RGR: variants seen among roughly 807,000 people sequenced by gnomAD.
RGR encodes retinal G protein coupled receptor.
In RGR, 30 loss-of-function variants were observed where a neutral mutation model predicts 28.6. The ratio of observed to expected loss-of-function variants is 1.05; its 90% CI spans 0.78 to 1.42. RGR has a LOEUF of 1.42. RGR is among the 40% of genes most tolerant of loss of function. The pLI, the probability that RGR is intolerant of heterozygous loss-of-function variation, is 0.00. For synonymous variants in RGR, 180 were observed against 156.4 expected, an observed-to-expected ratio of 1.15 and a Z score of -1.13; for missense variants, 404 against 375.6, an observed-to-expected ratio of 1.08 and a Z score of -0.62.
At chr10:84,255,726 T>C (rs1230014233) in intron 5 of RGR, among the ~76,000 whole-genome samples, 1 of 148,320 alleles carries the variant, frequency 6.7e-6, no homozygotes, top group Non-Finnish European at 1.5e-5. Flanking sequence ...TTCTTTTTTT[T>C]TTTTTTTTTT....
At chr10:84,248,210 T>C (rs761480921) in intron 2 of RGR, 10 of 1,238,922 alleles carry the variant, frequency 8.1e-6, no homozygotes, top group Non-Finnish European at 9.4e-6. Context: ...TGCACCCGTA[T>C]GTATCTGGGC....
rs142610642 is a variant in RGR, at chr10:84,245,132, C to T, written c.42C>T (p.Leu14=). Residue 14 remains leucine, a synonymous_variant, in exon 1 of 7, where the codon CTC becomes CTT. Coordinates refer to ENST00000652092, the MANE Select transcript of RGR (RefSeq NM_001012720.2). The stretch of plus-strand genomic sequence containing the variant: ...CCCTGCCCACTGGCTTCGGGGAGCT[C>T]GAGGTGCTGGCTGTGGGGATGGTGC... The part of the protein sequence containing the change: ...TSALPTGFGE[L]EVLAVGMVLL... The T allele has an allele frequency of 1.9e-6, 3 of 1,613,116 alleles. No homozygotes were observed. The highest frequency in any genetic ancestry group is 1.1e-5 in the South Asian group (1 of 91,006).
intron 3 of RGR, among the ~76,000 whole-genome samples, chr10:84,252,608 G>T (rs573422408): frequency 1.3e-5 from 2 of 152,128 alleles, no homozygotes; most frequent in African/African-American, 4.8e-5. Flanking sequence ...CAGAGCTGGG[G>T]TTCTCATTTT....
At chr10:84,252,835 C>T (rs761535622) in intron 3 of RGR, 22 bp from the exon 4 acceptor site, 1 of 1,614,092 alleles carries the variant, frequency 6.2e-7, no homozygotes, top group Non-Finnish European at 8.5e-7. Flanking sequence ...ACAACCTCCT[C>T]TTCTTCCTCT....
At chr10:84,248,003 A>C (rs1182585696) in intron 2 of RGR, 2 of 636,634 alleles carry the variant, frequency 3.1e-6, no homozygotes, top group South Asian at 2.0e-5. Flanking sequence ...TTCTGTAACC[A>C]AGCAACCTAG....
chr10:84,254,301 A>G (rs1229340975), intron 4 of RGR, 25 bp from the exon 5 acceptor site: 1 of 1,604,260 alleles, frequency 6.2e-7, no homozygotes, highest in African/African-American at 1.3e-5. Flanking sequence ...AGCTAACCCC[A>G]ATCCTCCACC....
intron 4 of RGR, among the ~76,000 whole-genome samples, chr10:84,253,705 G>A (rs984366542): frequency 2.6e-5 from 4 of 152,184 alleles, no homozygotes; most frequent in African/African-American, 9.7e-5. Context: ...CTTTCCAGGT[G>A]ATGCATTCTT....
At chr10:84,247,928 TG>T (rs780766242) in intron 2 of RGR, 181 bp downstream of exon 2, 540 of 904,548 alleles carry the variant, frequency 6.0e-4, no homozygotes, top group Non-Finnish European at 8.3e-4. Flanking sequence ...AGCTGATTTC[TG>T]GAAGACAGGG....
chr10:84,256,183 C>T (rs1842885391), intron 5 of RGR, among the ~76,000 whole-genome samples: 1 of 149,864 alleles, frequency 6.7e-6, no homozygotes, highest in Non-Finnish European at 1.5e-5. Flanking sequence ...ATTCTCCTGC[C>T]TCAGCGTCCC....
intron 4 of RGR, among the ~76,000 whole-genome samples, chr10:84,253,655 C>T (rs1842847492): frequency 6.6e-6 from 1 of 152,192 alleles, no homozygotes; most frequent in Non-Finnish European, 1.5e-5. Flanking sequence ...CTGCTTTACC[C>T]ATGGTGTTTA....
At position 84,257,959 on chromosome 10, in the gene RGR, TA is replaced by T; in HGVS notation, c.698del (p.Tyr233SerfsTer7). ...GWGPYAILYLYAVIADVTSIS... is the reference protein window; with the variant it reads ...GWGPYAILYLXAVIADVTSIS... ...GGGCCCCTATGCCATCCTGTATCTA[TA>T]CGCAGTCATCGCAGACGTGACTTCC... On this transcript the variant is annotated frameshift_variant, in exon 6 of 7. Coordinates refer to ENST00000652092, the MANE Select transcript of RGR (RefSeq NM_001012720.2). LOFTEE classifies it low-confidence loss of function (END_TRUNC). 2 of 1,614,226 alleles carry T rather than the reference TA, an allele frequency of 1.2e-6. No homozygotes were observed. Among genetic ancestry groups the T allele is most frequent in the South Asian group, 2.2e-5 (2 of 91,080 alleles).
At chr10:84,251,055 T>G (rs944903240) in intron 3 of RGR, 1 of 151,646 alleles carries the variant, frequency 6.6e-6, no homozygotes, top group Non-Finnish European at 1.5e-5. Flanking sequence ...GCCAACATGG[T>G]GAAACCCCAT....
intron 1 of RGR, among the ~76,000 whole-genome samples, chr10:84,246,310 C>T (rs1471001736): frequency 6.6e-6 from 1 of 152,060 alleles, no homozygotes; most frequent in East Asian, 1.9e-4. Flanking sequence ...AATGCTAGGA[C>T]TTTAGTGCAC....
chr10:84,256,254 C>A (rs940799284), intron 5 of RGR, among the ~76,000 whole-genome samples: 1 of 150,502 alleles, frequency 6.6e-6, no homozygotes, highest in Non-Finnish European at 1.5e-5. Flanking sequence ...TCTTTTGTAT[C>A]TGTTGGCCAG....
intron 1 of RGR, among the ~76,000 whole-genome samples, chr10:84,246,652 G>A (rs887683255): frequency 1.3e-5 from 2 of 151,992 alleles, no homozygotes; most frequent in East Asian, 1.9e-4. Flanking sequence ...CATTGATTTC[G>A]TATCTTTGCA....
chr10:84,257,779 G>A, intron 5 of RGR, 114 bp from the exon 6 acceptor site: 1 of 816,326 alleles, frequency 1.2e-6, no homozygotes, highest in Non-Finnish European at 2.1e-6. Flanking sequence ...GCCCCCTCCT[G>A]AAGCCTGGTC....
At chr10:84,254,495 T>C (rs1842860019) in intron 5 of RGR, 52 bp downstream of exon 5, 2 of 1,441,174 alleles carry the variant, frequency 1.4e-6, no homozygotes, top group Non-Finnish European at 9.8e-7. Context: ...AGCTCCAGGC[T>C]CTTGGTGTCC....
At chr10:84,252,637 C>T (rs1211529611) in intron 3 of RGR, among the ~76,000 whole-genome samples, 1 of 152,172 alleles carries the variant, frequency 6.6e-6, no homozygotes, top group Admixed American at 6.5e-5. Context: ...GCTTAGTTAA[C>T]CCCTCTCTCA....
chr10:84,258,430 G>C, intron 6 of RGR, 78 bp from the exon 7 acceptor site: 4 of 1,610,690 alleles, frequency 2.5e-6, no homozygotes, highest in Non-Finnish European at 3.4e-6. Context: ...GGTGGAGGGT[G>C]ACCGGGGTCA....
Sources: allele counts gnomAD v4.1 joint callset (sites outside exome capture counted in the v4.1 genomes callset), GRCh38; gene constraint gnomAD v4.1.1; transcripts MANE v1.5; gene names NCBI Gene and HGNC (gene_info 2026-07-23, HGNC 2026-07-21).